SLC25A15: variants seen among roughly 807,000 people sequenced by gnomAD.
SLC25A15 encodes solute carrier family 25 member 15, also known as mitochondrial ornithine transporter 1.
SLC25A15 carries 24 observed loss-of-function variants against 32.3 expected under a neutral mutation model. The observed-to-expected ratio is 0.74, with a 90% CI of 0.54 to 1.04. The LOEUF (loss-of-function observed/expected upper bound fraction) is 1.04, where lower values mean the gene tolerates loss of function less well. Ranked by LOEUF, SLC25A15 falls within the 50% of genes least tolerant of loss-of-function variation. The pLI is 0.00. For synonymous variants in SLC25A15, 132 were observed against 142.1 expected, an observed-to-expected ratio of 0.93 and a Z score of 0.51; for missense variants, 317 against 374.5, an observed-to-expected ratio of 0.85 and a Z score of 1.27.
In SLC25A15 at chr13:40,805,149, G is replaced by A. The variant is rs770726226; in HGVS notation, c.346G>A (p.Ala116Thr). 12 of 1,614,032 alleles carry A rather than the reference G, an allele frequency of 7.4e-6. No individual in the cohort carries two copies. The highest frequency in any genetic ancestry group is 9.3e-6 in the Non-Finnish European group (11 of 1,180,032). The change falls in exon 4 of 7, where the codon GCC (alanine) becomes ACC (threonine). Residue 116 changes from alanine (A) to threonine (T), a missense_variant. Coordinates refer to ENST00000338625, the MANE Select transcript of SLC25A15 (RefSeq NM_014252.4). The part of the protein sequence containing the change: ...DLQNAAAGSF[A>T]SAFAALVLCP... ...GCAGAATGCAGCCGCCGGTTCCTTC[G>A]CCTCTGCCTTTGCTGCACTGGTGCT...
chr13:40,796,227 T>C (rs1286924905), intron 2 of SLC25A15, among the ~76,000 whole-genome samples: 1 of 152,200 alleles, frequency 6.6e-6, no homozygotes, highest in Non-Finnish European at 1.5e-5. Context: ...TCTTTTCCTT[T>C]AAACAACGTT....
intron 2 of SLC25A15, 29 bp from the exon 3 acceptor site, chr13:40,799,028 A>T: frequency 6.2e-7 from 1 of 1,614,184 alleles, no homozygotes; most frequent in Non-Finnish European, 8.5e-7. Context: ...GTAGCCTCGT[A>T]CTAGAGCAGT....
In SLC25A15 at chr13:40,793,290, A is replaced by C; in HGVS notation, c.55+9A>C. The C allele has an allele frequency of 6.2e-7, 1 of 1,610,950 alleles. No homozygotes were observed. Reference sequence around the variant, plus strand: ...CACAGCGGGGGCTGCAGGTACAGTCATGTGCCTCATCACCATGTTTCTGTC... The same window carrying C: ...CACAGCGGGGGCTGCAGGTACAGTCCTGTGCCTCATCACCATGTTTCTGTC... On this transcript the variant is annotated intron_variant, in intron 2 of 6. Transcript: ENST00000338625.
At chr13:40,789,730 G>T (rs1881414470) in intron 1 of SLC25A15, 67 bp downstream of exon 1, 1 of 152,102 alleles carries the variant, frequency 6.6e-6, no homozygotes, top group East Asian at 1.9e-4. Context: ...GCGGGGAGCG[G>T]GGCGCGGGGC....
At chr13:40,809,351 A>C (rs1307709050) in intron 6 of SLC25A15, among the ~76,000 whole-genome samples, 192 bp from the exon 7 acceptor site, 3 of 152,354 alleles carry the variant, frequency 2.0e-5, no homozygotes, top group Non-Finnish European at 4.4e-5. Context: ...CAGTTTTGCC[A>C]GGAGACCTGA....
chr13:40,795,748 A>G (rs571840429), intron 2 of SLC25A15, among the ~76,000 whole-genome samples: 2 of 152,168 alleles, frequency 1.3e-5, no homozygotes, highest in Non-Finnish European at 2.9e-5. Flanking sequence ...TGTGAGGCCT[A>G]TGGAATGCAA....
intron 6 of SLC25A15, among the ~76,000 whole-genome samples, 164 bp from the exon 7 acceptor site, chr13:40,809,379 A>C (rs2004000): frequency 6.6e-6 from 1 of 151,988 alleles, no homozygotes; most frequent in Non-Finnish European, 1.5e-5. Context: ...CCTTGTTTCC[A>C]TTAGTCTATT....
chr13:40,807,326 G>A lies in SLC25A15; in HGVS notation c.485G>A (p.Arg162Lys). The part of the protein sequence containing the change: ...TVWSVIKSIL[R>K]KDGPLGFYHG... ...TGGTCTGTCATCAAAAGTATTCTTA[G>A]GAAAGATGGCCCCTTGGGGTTCTAC... The change falls in exon 5 of 7, where the codon AGG (arginine) becomes AAG (lysine). Residue 162 changes from arginine (R) to lysine (K), a missense_variant. Arg to Lys is a conservative substitution (Grantham distance 26, BLOSUM62 2). Coordinates refer to ENST00000338625, the MANE Select transcript of SLC25A15 (RefSeq NM_014252.4). 6.2e-7 allele frequency: 1 copy of A among 1,614,126 alleles called. No individual in the cohort carries two copies. Among genetic ancestry groups the A allele is most frequent in the Non-Finnish European group, 8.5e-7 (1 of 1,180,004 alleles).
Position 40,799,073 on chromosome 13 carries a change from A to G in SLC25A15, c.72A>G (p.Val24=), listed in dbSNP as rs1392943139. ...TGATTGCAGGAGGTACAGCATGTGT[A>G]CTGACCGGGCAGCCCTTTGACACAA... ...TAGAAGGTAC[V]LTGQPFDTMK... The change falls in exon 3 of 7, where the codon GTA becomes GTG. Residue 24 remains valine (V), a synonymous_variant. Transcript: ENST00000338625. 3.7e-6 allele frequency: 6 copies of G among 1,614,060 alleles called. No homozygotes were observed.
intron 5 of SLC25A15, 63 bp downstream of exon 5, chr13:40,807,526 T>G: frequency 6.4e-7 from 1 of 1,557,428 alleles, no homozygotes; most frequent in Admixed American, 1.7e-5. Context: ...AGGTATGGTT[T>G]CTGTGGATTC....
chr13:40,797,727 G>A (rs1431410598), intron 2 of SLC25A15, among the ~76,000 whole-genome samples: 1 of 152,152 alleles, frequency 6.6e-6, no homozygotes, highest in Non-Finnish European at 1.5e-5. Context: ...TATTCTTAAT[G>A]TCCCTTCCCC....
chr13:40,810,804 G>A lies in SLC25A15; in HGVS notation c.*1137G>A, dbSNP rs138641855. On this transcript the variant is annotated 3_prime_UTR_variant, in exon 7 of 7. Coordinates refer to ENST00000338625, the MANE Select transcript of SLC25A15 (RefSeq NM_014252.4). ...GGGCTGAGTGGTAGGCGGTGCTGCTGTGCTCTGATGAAGACCCATGTGGCT... is the reference window on the plus strand; with the variant it reads ...GGGCTGAGTGGTAGGCGGTGCTGCTATGCTCTGATGAAGACCCATGTGGCT... 650 of 534,798 alleles carry A rather than the reference G, an allele frequency of 1.2e-3. 6 individuals are homozygous for A. The highest frequency in any genetic ancestry group is 0.011 in the African/African-American group (597 of 52,084). The allele number at this position is 534,798 out of a possible 1,614,324, so 33.1% of individuals were successfully genotyped here.
chr13:40,789,931 G>A (rs1490940648), intron 1 of SLC25A15, among the ~76,000 whole-genome samples: 1 of 152,230 alleles, frequency 6.6e-6, no homozygotes, highest in Non-Finnish European at 1.5e-5. Context: ...CCGCGCCTCA[G>A]GGGCGCCAGT....
chr13:40,796,138 G>A lies in SLC25A15; in HGVS notation c.55+2857G>A, dbSNP rs115573549. 3.3e-3 allele frequency among the ~76,000 whole-genome samples: 503 copies of A among 152,300 alleles called. 2 individuals are homozygous for A. Among genetic ancestry groups the A allele is most frequent in the African/African-American group, 0.012 (484 of 41,546 alleles). On this transcript the variant is annotated intron_variant, in intron 2 of 6. Transcript: ENST00000338625. ...TGTGGCAGAGGTCACCCACGGAAGC[G>A]ATCCATCTGTAAGCACAGAGCCAGC...
chr13:40,803,689 T>A (rs1881994576), intron 3 of SLC25A15, among the ~76,000 whole-genome samples: 1 of 152,214 alleles, frequency 6.6e-6, no homozygotes, highest in African/African-American at 2.4e-5. Flanking sequence ...CTTCACCCAC[T>A]CCTGTGGCAC....
At chr13:40,809,070 C>T (rs1047677494) in intron 6 of SLC25A15, among the ~76,000 whole-genome samples, 3 of 152,050 alleles carry the variant, frequency 2.0e-5, no homozygotes, top group Admixed American at 2.0e-4. Context: ...TCCTCCCTTA[C>T]ATTTGTATAA....
intron 2 of SLC25A15, among the ~76,000 whole-genome samples, chr13:40,793,566 G>A (rs1376389116): frequency 2.0e-5 from 3 of 152,154 alleles, no homozygotes; most frequent in Non-Finnish European, 2.9e-5. Context: ...GCACAATGAC[G>A]AAATTGTGTA....
At chr13:40,805,515 G>A (rs1882141677) in intron 4 of SLC25A15, among the ~76,000 whole-genome samples, 1 of 151,984 alleles carries the variant, frequency 6.6e-6, no homozygotes, top group African/African-American at 2.4e-5. Context: ...CACCCTTTTT[G>A]GCCTCTTGGA....
In SLC25A15 at chr13:40,809,672, T is replaced by C; in HGVS notation, c.*5T>C. The C allele has an allele frequency of 6.2e-7, 1 of 1,613,206 alleles. No homozygotes were observed. The highest frequency in any genetic ancestry group is 8.5e-7 in the Non-Finnish European group (1 of 1,179,862). On this transcript the variant is annotated 3_prime_UTR_variant, in exon 7 of 7. Transcript: ENST00000338625. ...AACCAGTTGGAAGCATACTGAAGTG[T>C]CTTGGTGGGCCTGAGCCAAGCACAG...
Sources: gnomAD v4.1 joint callset for allele counts (sites outside exome capture counted in the v4.1 genomes callset) on GRCh38, gnomAD v4.1.1 for gene constraint, MANE v1.5 for transcripts, NCBI Gene and HGNC (gene_info 2026-07-23, HGNC 2026-07-21) for gene names.